Variants in COL4A1 observed in about 807,000 individuals in gnomAD.
COL4A1 encodes the protein collagen alpha-1(IV) chain.
Under a neutral mutation model 216.6 loss-of-function variants are expected in COL4A1, and 40 were observed. That is an observed-to-expected ratio of 0.18 (90% CI 0.14 to 0.24). The LOEUF is 0.24. Among genes scored for constraint, COL4A1 ranks in the 10% least tolerant of loss-of-function variants. The probability of loss-of-function intolerance (pLI) is 1.00; values close to 1 mark genes in which losing one functional copy is unlikely to be tolerated. For missense variants in COL4A1, 1,628 were observed against 2,196.8 expected (o/e 0.74, Z 5.18); for synonymous variants, 839 against 810.7 (o/e 1.03, Z -0.59).
At chr13:110,261,248 A>T (rs562857425) in intron 1 of COL4A1, among the ~76,000 whole-genome samples, 22 of 152,166 alleles carry the variant, frequency 1.4e-4, no homozygotes, top group Non-Finnish European at 3.2e-4. Flanking sequence ...GCCCTGGCGC[A>T]GGAAGCCCCC....
chr13:110,270,560 G>T (rs745813766), intron 1 of COL4A1, among the ~76,000 whole-genome samples: 174 of 152,274 alleles, frequency 1.1e-3, no homozygotes, highest in Non-Finnish European at 2.2e-3. Flanking sequence ...TTGTAGGGTC[G>T]TTTCATGGCC....
intron 1 of COL4A1, among the ~76,000 whole-genome samples, chr13:110,287,653 C>T (rs1883895511): frequency 1.3e-5 from 2 of 152,224 alleles, no homozygotes; most frequent in Admixed American, 1.3e-4. Flanking sequence ...CCTTGAGCGC[C>T]GTACAGTGGG....
At chr13:110,222,278 A>G (rs914645677) in intron 2 of COL4A1, among the ~76,000 whole-genome samples, 1 of 152,142 alleles carries the variant, frequency 6.6e-6, no homozygotes, top group Non-Finnish European at 1.5e-5. Context: ...GTACTCAGAC[A>G]CTGAATGATC....
chr13:110,249,686 T>C (rs1313635678), intron 1 of COL4A1, among the ~76,000 whole-genome samples: 4 of 152,204 alleles, frequency 2.6e-5, no homozygotes, highest in Non-Finnish European at 5.9e-5. Flanking sequence ...TTGGGGAAAA[T>C]GCACTGAGCT....
chr13:110,259,638 T>C (rs768893624), intron 1 of COL4A1, among the ~76,000 whole-genome samples: 3 of 152,250 alleles, frequency 2.0e-5, no homozygotes, highest in Non-Finnish European at 4.4e-5. Context: ...TTTTGGACTT[T>C]CTGGTTCATA....
At position 110,211,387 on chromosome 13, in the gene COL4A1, G is replaced by A. The variant is rs1201712982; in HGVS notation, c.468+260C>T. On this transcript the variant is annotated intron_variant, in intron 8 of 51. Transcript: ENST00000375820. The surrounding 1 kb of genome is among the most constrained non-coding windows in gnomAD (Gnocchi z 4.3). ...CATCTGCCTCCCCAGTTTGGGTGAAGTGAGCCTTCGCCACCACACCAGGCC... is the reference window on the plus strand; with the variant it reads ...CATCTGCCTCCCCAGTTTGGGTGAAATGAGCCTTCGCCACCACACCAGGCC... 6.6e-6 allele frequency among the ~76,000 whole-genome samples: 1 copy of A among 152,228 alleles called. No individual in the cohort carries two copies. Among genetic ancestry groups the A allele is most frequent in the African/African-American group, 2.4e-5 (1 of 41,462 alleles).
At chr13:110,152,573 T>C (rs1395897673) in intron 50 of COL4A1, 67 bp from the exon 51 acceptor site, 32 of 1,505,928 alleles carry the variant, frequency 2.1e-5, no homozygotes, top group Non-Finnish European at 2.8e-5. Context: ...AGATCGATCC[T>C]TCCCAGGAAG....
chr13:110,257,505 A>G (rs1225698967), intron 1 of COL4A1, among the ~76,000 whole-genome samples: 1 of 152,240 alleles, frequency 6.6e-6, no homozygotes, highest in Non-Finnish European at 1.5e-5. Flanking sequence ...AAGAAGAAAA[A>G]CTGAGGTATA....
chr13:110,232,132 C>T (rs1374235371), intron 2 of COL4A1, among the ~76,000 whole-genome samples: 1 of 152,162 alleles, frequency 6.6e-6, no homozygotes, highest in Non-Finnish European at 1.5e-5. Context: ...AATCCAGAAT[C>T]ATTGAATTTG....
chr13:110,224,355 C>T (rs1033341013), intron 2 of COL4A1, among the ~76,000 whole-genome samples: 22 of 152,326 alleles, frequency 1.4e-4, no homozygotes, highest in African/African-American at 4.6e-4. Context: ...TGGAGTCTTG[C>T]TCTGTCATCC....
At chr13:110,189,492 C>T (rs1012311702) in intron 24 of COL4A1, among the ~76,000 whole-genome samples, 2 of 152,180 alleles carry the variant, frequency 1.3e-5, no homozygotes, top group Admixed American at 6.5e-5. Context: ...GAGCTGGCCC[C>T]GCACTCTAAT....
At chr13:110,240,287 A>T (rs1305023135) in intron 2 of COL4A1, among the ~76,000 whole-genome samples, 1 of 152,086 alleles carries the variant, frequency 6.6e-6, no homozygotes, top group East Asian at 1.9e-4. Context: ...AGGTCAGGCC[A>T]AAAAAGTCCT....
At chr13:110,156,026 T>C (rs2138421691) in intron 49 of COL4A1, among the ~76,000 whole-genome samples, 2 of 152,324 alleles carry the variant, frequency 1.3e-5, no homozygotes, top group South Asian at 4.1e-4. Flanking sequence ...TCGGCCTGCC[T>C]GTGGGCCACT....
At chr13:110,192,364 G>T (rs1878673349) in intron 23 of COL4A1, 80 bp from the exon 24 acceptor site, 2 of 1,366,484 alleles carry the variant, frequency 1.5e-6, no homozygotes, top group Non-Finnish European at 2.1e-6. Context: ...AGACTCAAAA[G>T]CATAAAAATC....
rs115378360 is a variant in COL4A1, at chr13:110,179,159, G to A, written c.2344+112C>T. 356 of 1,559,374 alleles carry A rather than the reference G, an allele frequency of 2.3e-4. No individual in the cohort carries two copies. The African/African-American group carries it at 4.4e-3, about 19-fold the overall frequency. On this transcript the variant is annotated intron_variant, in intron 30 of 51. Transcript: ENST00000375820. ...CACGAGCTCTAGGCCTCTAAGATTTGCATCGTTCGTTCAACAAATACATAT... is the reference window on the plus strand; with the variant it reads ...CACGAGCTCTAGGCCTCTAAGATTTACATCGTTCGTTCAACAAATACATAT...
chr13:110,162,478 C>T (rs1566340618), intron 47 of COL4A1, 36 bp from the exon 48 acceptor site: 7 of 1,410,564 alleles, frequency 5.0e-6, no homozygotes, highest in Non-Finnish European at 6.0e-6. Context: ...TCCCTAATTA[C>T]AAACACGCTC....
chr13:110,252,333 AC>A (rs1457345925), intron 1 of COL4A1, among the ~76,000 whole-genome samples: 1 of 151,640 alleles, frequency 6.6e-6, no homozygotes, highest in Non-Finnish European at 1.5e-5. Context: ...CAAATAAATT[AC>A]ATTTTAATCT....
intron 1 of COL4A1, among the ~76,000 whole-genome samples, chr13:110,269,736 T>C (rs564704120): frequency 3.4e-4 from 52 of 152,062 alleles, no homozygotes; most frequent in African/African-American, 1.2e-3. Flanking sequence ...GCATCCCGAT[T>C]GCATGCCCTG....
rs1879015217 is a variant in COL4A1 at position 110,198,548 on chromosome 13, A to G, written c.1204T>C (p.Ser402Pro). ...EKGDRGFPGTSLPGPSGRDGL... is the reference protein window; with the variant it reads ...EKGDRGFPGTPLPGPSGRDGL... ...TCTCTTCCACTTGGTCCTGGCAGAGATGTACCAGGAAATCCTCGGTCACCT... is the reference window on the plus strand; with the variant it reads ...TCTCTTCCACTTGGTCCTGGCAGAGGTGTACCAGGAAATCCTCGGTCACCT... The change falls in exon 21 of 52, where the codon TCT becomes CCT. Residue 402 changes from serine to proline, a missense_variant. Transcript: ENST00000375820. The G allele has an allele frequency of 1.2e-6, 2 of 1,614,108 alleles. No individual in the cohort carries two copies. Among genetic ancestry groups the G allele is most frequent in the Non-Finnish European group, 1.7e-6 (2 of 1,180,022 alleles).
Sources: allele counts gnomAD v4.1 joint callset (sites outside exome capture counted in the v4.1 genomes callset), GRCh38; gene constraint gnomAD v4.1.1; non-coding constraint Gnocchi (gnomAD v3.1); transcripts MANE v1.5; gene names NCBI Gene and HGNC (gene_info 2026-07-23, HGNC 2026-07-21).